Variants in SORCS3 observed in about 807,000 individuals in gnomAD.
SORCS3 encodes VPS10 domain-containing receptor SorCS3.
A neutral mutation model predicts 146.3 loss-of-function variants in SORCS3; 57 were observed. That is an observed-to-expected ratio of 0.39 (90% CI 0.31 to 0.49). The LOEUF (loss-of-function observed/expected upper bound fraction) is 0.49. Ranked by LOEUF, SORCS3 falls within the 20% of genes least tolerant of loss-of-function variation. The pLI, the probability that SORCS3 is intolerant of heterozygous loss-of-function variation, is 0.92. For missense variants in SORCS3, 1,341 were observed against 1,575.5 expected (o/e 0.85, Z 2.52); for synonymous variants, 653 against 618.5 (o/e 1.06, Z -0.83).
intron 1 of SORCS3, among the ~76,000 whole-genome samples, chr10:104,666,920 G>A (rs919733747): frequency 1.3e-5 from 2 of 152,006 alleles, no homozygotes; most frequent in African/African-American, 2.4e-5. Flanking sequence ...AAGGTAACAC[G>A]GCTAGAAAAT....
At chr10:104,676,057 T>C (rs1043071837) in intron 1 of SORCS3, among the ~76,000 whole-genome samples, 7 of 152,252 alleles carry the variant, frequency 4.6e-5, no homozygotes, top group African/African-American at 1.7e-4. Flanking sequence ...GATCTGATGC[T>C]TTGTGATACC....
Position 105,161,804 on chromosome 10 carries a change from G to A in SORCS3, c.1733-2499G>A, listed in dbSNP as rs149083118. Among the ~76,000 whole-genome samples, 536 of 152,250 alleles carry A rather than the reference G, an allele frequency of 3.5e-3. 4 individuals are homozygous for A. The highest frequency in any genetic ancestry group is 0.013 in the African/African-American group (521 of 41,558). On this transcript the variant is annotated intron_variant, in intron 11 of 26. Coordinates refer to ENST00000369701, the MANE Select transcript of SORCS3 (RefSeq NM_014978.3). ...AGAGATGAAGAGACTGTGGGCAGGT[G>A]GAAACAGGTGTCATGTCCCAGCCCA...
intron 1 of SORCS3, among the ~76,000 whole-genome samples, chr10:104,783,680 T>C (rs1442581198): frequency 1.3e-5 from 2 of 152,008 alleles, no homozygotes; most frequent in African/African-American, 2.4e-5. Flanking sequence ...TGAACCAAGA[T>C]TGCGCCATTG....
chr10:105,150,414 T>G (rs140739084), intron 9 of SORCS3, among the ~76,000 whole-genome samples: 196 of 152,260 alleles, frequency 1.3e-3, no homozygotes, highest in African/African-American at 4.4e-3. Flanking sequence ...TGCAGGCAGA[T>G]CCTTAAAAGA....
At chr10:104,852,231 G>A (rs1398497571) in intron 2 of SORCS3, among the ~76,000 whole-genome samples, 1 of 152,214 alleles carries the variant, frequency 6.6e-6, no homozygotes, top group East Asian at 1.9e-4. Context: ...AGACAGATCT[G>A]TGGTCCCTAG....
At chr10:104,683,196 G>C (rs142173609) in intron 1 of SORCS3, among the ~76,000 whole-genome samples, 6 of 152,186 alleles carry the variant, frequency 3.9e-5, no homozygotes, top group African/African-American at 1.4e-4. Context: ...AGAGTCCAGG[G>C]AACAAAAGAA....
At chr10:104,924,624 G>C (rs7073140) in intron 3 of SORCS3, among the ~76,000 whole-genome samples, 42,920 of 152,112 alleles carry the variant, frequency 0.28, 7,953 homozygotes, top group African/African-American at 0.53. Context: ...CAAGAGGCTG[G>C]GTCCCTGGGA....
intron 9 of SORCS3, 34 bp downstream of exon 9, chr10:105,147,830 G>A (rs1275828825): frequency 6.4e-7 from 1 of 1,568,418 alleles, no homozygotes; most frequent in Non-Finnish European, 8.7e-7. Context: ...CCTTGGGTCT[G>A]TCTCTCTTTT....
chr10:105,059,637 C>A (rs2055469699), intron 5 of SORCS3, among the ~76,000 whole-genome samples: 1 of 152,214 alleles, frequency 6.6e-6, no homozygotes. Flanking sequence ...AGCCCATTGC[C>A]ATGGGACTCT....
chr10:105,203,872 T>G (rs1363519401), intron 16 of SORCS3, among the ~76,000 whole-genome samples: 2 of 152,218 alleles, frequency 1.3e-5, no homozygotes, highest in Non-Finnish European at 2.9e-5. Flanking sequence ...GATGCTGTTG[T>G]TATTCTTACA....
chr10:104,709,776 G>A (rs1316349423), intron 1 of SORCS3, among the ~76,000 whole-genome samples: 1 of 152,070 alleles, frequency 6.6e-6, no homozygotes, highest in Non-Finnish European at 1.5e-5. Flanking sequence ...TACAATTAAT[G>A]TCTGACTTGT....
intron 14 of SORCS3, among the ~76,000 whole-genome samples, chr10:105,179,261 A>C (rs2042348120): frequency 6.6e-6 from 1 of 152,294 alleles, no homozygotes; most frequent in Non-Finnish European, 1.5e-5. Context: ...TTCCCTAGCA[A>C]GTTTAAGGCC....
intron 8 of SORCS3, among the ~76,000 whole-genome samples, chr10:105,145,122 T>C (rs1199680276): frequency 6.6e-6 from 1 of 151,972 alleles, no homozygotes; most frequent in African/African-American, 2.4e-5. Flanking sequence ...TTTAGGTTAA[T>C]GTTCTTAGCA....
At chr10:104,740,271 A>G (rs1269707925) in intron 1 of SORCS3, among the ~76,000 whole-genome samples, 1 of 152,184 alleles carries the variant, frequency 6.6e-6, no homozygotes, top group South Asian at 2.1e-4. Context: ...CTCCTCACTC[A>G]TGTACTACCG....
chr10:105,012,146 C>G (rs912864809), intron 4 of SORCS3, among the ~76,000 whole-genome samples: 59 of 152,094 alleles, frequency 3.9e-4, no homozygotes, highest in African/African-American at 1.4e-3. Flanking sequence ...TGAATGTGGG[C>G]AGATTTTTAA....
intron 14 of SORCS3, among the ~76,000 whole-genome samples, chr10:105,187,259 G>A (rs893543628): frequency 2.6e-5 from 4 of 151,866 alleles, no homozygotes; most frequent in East Asian, 1.9e-4. Flanking sequence ...AATCTTTGCC[G>A]CTTTCCACTA....
intron 4 of SORCS3, among the ~76,000 whole-genome samples, chr10:105,027,667 T>A (rs1265998724): frequency 6.6e-6 from 1 of 152,206 alleles, no homozygotes; most frequent in Non-Finnish European, 1.5e-5. Flanking sequence ...CAAGCAACAC[T>A]CTGCCTTCTG....
At chr10:104,827,267 C>T (rs2017947542) in intron 1 of SORCS3, among the ~76,000 whole-genome samples, 1 of 152,116 alleles carries the variant, frequency 6.6e-6, no homozygotes, top group Admixed American at 6.6e-5. Flanking sequence ...AGAGGAATCA[C>T]TGTTTATGGC....
chr10:104,892,201 C>T (rs565553896), intron 2 of SORCS3, among the ~76,000 whole-genome samples: 12 of 152,264 alleles, frequency 7.9e-5, no homozygotes, highest in African/African-American at 2.6e-4. Flanking sequence ...TGTAAGTATA[C>T]TAATAACTTA....
Sources: gnomAD v4.1 joint callset for allele counts (sites outside exome capture counted in the v4.1 genomes callset) on GRCh38, gnomAD v4.1.1 for gene constraint, MANE v1.5 for transcripts, NCBI Gene and HGNC (gene_info 2026-07-23, HGNC 2026-07-21) for gene names.